Variants in SMIM36 observed in about 807,000 individuals in gnomAD.
SMIM36 encodes the protein small integral membrane protein 36.
chr17:55,516,507 C>T, the SMIM36 span, among the ~76,000 whole-genome samples: 1 of 149,786 alleles, frequency 6.7e-6, no homozygotes, highest in Non-Finnish European at 1.5e-5. Context: ...GTTTATATAA[C>T]AGGCCAAAAT....
chr17:55,466,685 G>C (rs897004906), intron 4 of SMIM36, among the ~76,000 whole-genome samples: 1 of 152,140 alleles, frequency 6.6e-6, no homozygotes, highest in Non-Finnish European at 1.5e-5. Context: ...CAGGCCGAGA[G>C]AGTGGGCAGG....
intron 4 of SMIM36, among the ~76,000 whole-genome samples, chr17:55,457,218 G>T (rs1423635515): frequency 6.6e-6 from 1 of 152,088 alleles, no homozygotes; most frequent in African/African-American, 2.4e-5. Context: ...GGGAGGCTGA[G>T]ACGGGCGGAT....
At chr17:55,512,151 C>T (rs1910192583), upstream of SMIM36, among the ~76,000 whole-genome samples, 1 of 152,166 alleles carries the variant, frequency 6.6e-6, no homozygotes, top group South Asian at 2.1e-4. Flanking sequence ...AACATTTAAC[C>T]TATGACCTGA....
intron 3 of SMIM36, among the ~76,000 whole-genome samples, chr17:55,467,686 G>A (rs1407724648): frequency 6.6e-6 from 1 of 152,154 alleles, no homozygotes; most frequent in African/African-American, 2.4e-5. Context: ...GTGAGCCACC[G>A]CACTCGGCCA....
At position 55,501,389 on chromosome 17, in the gene SMIM36, AT is replaced by A. The variant is rs1909965952; in HGVS notation, c.*174+9489del. Among the ~76,000 whole-genome samples the A allele has an allele frequency of 4.6e-5, 3 of 64,796 alleles. No homozygotes were observed. The South Asian group carries it at 1.4e-3, about 31-fold the overall frequency. 42.5% of individuals were successfully genotyped at this position (64,796 alleles called of 152,430 possible). A position where few individuals can be genotyped will look rare whatever the true frequency, so the allele number is the denominator to read the frequency against. ...AATATATTATATATTATAGAATATA[AT>A]ATATTATATATTATTATATATTATA... On this transcript the variant is annotated intron_variant, in intron 1 of 4. Coordinates refer to ENST00000636752, the Ensembl canonical transcript of SMIM36.
intron 1 of SMIM36, among the ~76,000 whole-genome samples, chr17:55,509,811 T>G (rs1201845653): frequency 6.6e-6 from 1 of 152,040 alleles, no homozygotes; most frequent in Admixed American, 6.6e-5. Flanking sequence ...AATAGACTAA[T>G]GAACAGGGGA....
chr17:55,458,137 C>T (rs1909063299), intron 4 of SMIM36: 1 of 152,084 alleles, frequency 6.6e-6, no homozygotes, highest in African/African-American at 2.4e-5. Context: ...GATTATTGTT[C>T]TCTCTTTAGA....
At chr17:55,516,201 T>C (rs1164355173), upstream of SMIM36, among the ~76,000 whole-genome samples, 4 of 152,044 alleles carry the variant, frequency 2.6e-5, no homozygotes, top group Non-Finnish European at 5.9e-5. Flanking sequence ...TGAAAAACAA[T>C]GTAGCTAGGG....
At chr17:55,466,851 C>T (rs367846080) in intron 4 of SMIM36, among the ~76,000 whole-genome samples, 3 of 152,212 alleles carry the variant, frequency 2.0e-5, no homozygotes, top group Non-Finnish European at 4.4e-5. Context: ...AGTTCTTTTG[C>T]GTAAGTCCAA....
At chr17:55,476,374 C>G (rs1245183257) in intron 3 of SMIM36, among the ~76,000 whole-genome samples, 2 of 152,070 alleles carry the variant, frequency 1.3e-5, no homozygotes, top group African/African-American at 2.4e-5. Context: ...TTTCCACTAC[C>G]TACCCAAATC....
chr17:55,468,746 C>G (rs1265019982), intron 3 of SMIM36, among the ~76,000 whole-genome samples: 3 of 152,180 alleles, frequency 2.0e-5, no homozygotes, highest in Non-Finnish European at 4.4e-5. Flanking sequence ...CTCCATTCCC[C>G]CTTCTTCTCC....
At chr17:55,499,789 C>A (rs1598456619) in intron 1 of SMIM36, among the ~76,000 whole-genome samples, 1 of 152,150 alleles carries the variant, frequency 6.6e-6, no homozygotes, top group Admixed American at 6.5e-5. Flanking sequence ...TTCTAGCTGG[C>A]AAGCCATTCC....
intron 3 of SMIM36, among the ~76,000 whole-genome samples, chr17:55,476,831 T>A (rs144154027): frequency 0.014 from 2,071 of 152,326 alleles, 17 homozygotes; most frequent in Non-Finnish European, 0.022. Flanking sequence ...CCTCCCAAAG[T>A]GCTGGGATTA....
chr17:55,517,820 A>G, the SMIM36 span, among the ~76,000 whole-genome samples: 1 of 152,364 alleles, frequency 6.6e-6, no homozygotes. Flanking sequence ...AGACTTATCA[A>G]TATATAGGTA....
chr17:55,485,452 A>ATTTT (rs371128057), intron 1 of SMIM36, among the ~76,000 whole-genome samples: 2 of 144,310 alleles, frequency 1.4e-5, no homozygotes, highest in Non-Finnish European at 3.0e-5. Context: ...TACCCTGCTG[A>ATTTT]TTTTTTTTTT....
the SMIM36 span, among the ~76,000 whole-genome samples, chr17:55,527,511 T>G: frequency 1.3e-5 from 2 of 152,210 alleles, no homozygotes; most frequent in South Asian, 4.1e-4. Context: ...CTGTGGCTCT[T>G]TCCCTCACAT....
At chr17:55,460,855 C>T (rs1909137213) in intron 4 of SMIM36, among the ~76,000 whole-genome samples, 1 of 151,694 alleles carries the variant, frequency 6.6e-6, no homozygotes, top group South Asian at 2.1e-4. Flanking sequence ...GAGACCCTGT[C>T]TCAAAAAAAC....
chr17:55,499,676 A>C (rs2144714916), intron 1 of SMIM36, among the ~76,000 whole-genome samples: 1 of 152,292 alleles, frequency 6.6e-6, no homozygotes, highest in East Asian at 1.9e-4. Flanking sequence ...ACAAATGTGC[A>C]TGATAGAAGA....
chr17:55,450,799 C>A (rs1354949306), intron 4 of SMIM36, among the ~76,000 whole-genome samples: 1 of 152,226 alleles, frequency 6.6e-6, no homozygotes, highest in Non-Finnish European at 1.5e-5. Context: ...ACTGGAGAGT[C>A]CACCAACTTT....
Sources: allele counts gnomAD v4.1 joint callset (sites outside exome capture counted in the v4.1 genomes callset), GRCh38; gene constraint gnomAD v4.1.1; transcripts MANE v1.5; gene names NCBI Gene and HGNC (gene_info 2026-07-23, HGNC 2026-07-21).